The following YAP1 variants were observed in gnomAD, a reference collection of about 807,000 sequenced individuals.
The protein encoded by YAP1 is transcriptional coactivator YAP1.
YAP1 carries 5 observed loss-of-function variants against 56.9 expected under a neutral mutation model. The observed-to-expected ratio is 0.09, with a 90% CI of 0.05 to 0.18. YAP1 has a LOEUF of 0.18. YAP1 is among the 10% of genes least tolerant of loss of function. The pLI is 1.00. For synonymous variants in YAP1, 265 were observed against 248.1 expected (o/e 1.07, Z -0.64); for missense variants, 539 against 651.8 (o/e 0.83, Z 1.88).
intron 2 of YAP1, among the ~76,000 whole-genome samples, chr11:102,156,953 T>TG (rs1158800343): frequency 6.6e-6 from 1 of 152,238 alleles, no homozygotes; most frequent in Non-Finnish European, 1.5e-5. Context: ...GTTTCATGCT[T>TG]GCGGGCAAAT....
chr11:102,192,709 TCTTG>T (rs1270619388), intron 4 of YAP1, among the ~76,000 whole-genome samples: 1 of 152,234 alleles, frequency 6.6e-6, no homozygotes, highest in Non-Finnish European at 1.5e-5. Flanking sequence ...TGCTTTGGAC[TCTTG>T]CTTAAGGTTA....
chr11:102,186,431 A>ATT, intron 4 of YAP1: 1 of 306,320 alleles, frequency 3.3e-6, no homozygotes, highest in South Asian at 3.1e-5. Flanking sequence ...TGTTTTTAAA[A>ATT]TGTTTTTTTT....
intron 2 of YAP1, among the ~76,000 whole-genome samples, chr11:102,159,385 A>G (rs1310035904): frequency 6.6e-6 from 1 of 152,226 alleles, no homozygotes; most frequent in Non-Finnish European, 1.5e-5. Flanking sequence ...GTAACGGTCC[A>G]GAAACATTTT....
chr11:102,178,184 A>G (rs1432277268), intron 3 of YAP1, among the ~76,000 whole-genome samples: 1 of 152,228 alleles, frequency 6.6e-6, no homozygotes, highest in Non-Finnish European at 1.5e-5. Context: ...GTGAATCATC[A>G]TAAATACACG....
intron 4 of YAP1, among the ~76,000 whole-genome samples, chr11:102,204,868 GTAT>G (rs1334746105): frequency 6.6e-6 from 1 of 152,136 alleles, no homozygotes; most frequent in Non-Finnish European, 1.5e-5. Flanking sequence ...TGTAAGACTG[GTAT>G]TATTTCTTCC....
At chr11:102,198,552 C>A (rs1376585512) in intron 4 of YAP1, among the ~76,000 whole-genome samples, 1 of 152,168 alleles carries the variant, frequency 6.6e-6, no homozygotes, top group Admixed American at 6.5e-5. Context: ...GCTCTAGAAT[C>A]TGTTTTGAAA....
In YAP1 at chr11:102,110,985, A is replaced by G. The variant is rs1591084546; in HGVS notation, c.137A>G (p.Gln46Arg). The G allele has an allele frequency of 1.3e-6, 2 of 1,545,980 alleles. No individual in the cohort carries two copies. The highest frequency in any genetic ancestry group is 1.4e-5 in the African/African-American group (1 of 70,204). ...CCCGCGGCGACCCAGGCGGCGCCGC[A>G]GGCACCCCCCGCCGGGCATCAGATC... The part of the protein sequence containing the change: ...PAPAATQAAP[Q>R]APPAGHQIVH... The change falls in exon 1 of 9, where the codon CAG (glutamine) becomes CGG (arginine). Residue 46 changes from glutamine to arginine, a missense_variant. Around this residue, in one of 4 missense-constraint regions of YAP1, gnomAD observed 106 missense variants for 86.6 expected, o/e 1.22. Coordinates refer to ENST00000282441, the MANE Select transcript of YAP1 (RefSeq NM_001130145.3).
rs112780107 is a variant in YAP1 at position 102,182,121 on chromosome 11, A to T, written c.689-3897A>T. Among the ~76,000 whole-genome samples the T allele has an allele frequency of 7.2e-3, 1,101 of 151,914 alleles. 11 individuals are homozygous for T. The highest frequency in any genetic ancestry group is 0.025 in the African/African-American group (1,057 of 41,482). On this transcript the variant is annotated intron_variant, in intron 3 of 8. Coordinates refer to ENST00000282441, the MANE Select transcript of YAP1 (RefSeq NM_001130145.3). Reference sequence around the variant, plus strand: ...GGCGTGAGCCACCATGCCTGGCCCTAAGTGGTTGTTTTAAATCAGTGGTTC... The same window carrying T: ...GGCGTGAGCCACCATGCCTGGCCCTTAGTGGTTGTTTTAAATCAGTGGTTC...
At chr11:102,173,573 A>G (rs1947050447) in intron 3 of YAP1, among the ~76,000 whole-genome samples, 1 of 152,190 alleles carries the variant, frequency 6.6e-6, no homozygotes, top group Non-Finnish European at 1.5e-5. Flanking sequence ...GGGAGCCATG[A>G]CCTGTGTCAA....
At position 102,193,848 on chromosome 11, in the gene YAP1, T is replaced by G. The variant is rs560693446; in HGVS notation, c.802+7717T>G. Among the ~76,000 whole-genome samples the G allele has an allele frequency of 3.2e-3, 488 of 151,734 alleles. 5 individuals carry two copies. Among genetic ancestry groups the G allele is most frequent in the African/African-American group, 0.011 (464 of 41,506 alleles). On this transcript the variant is annotated intron_variant, in intron 4 of 8. Coordinates refer to ENST00000282441, the MANE Select transcript of YAP1 (RefSeq NM_001130145.3). Reference sequence around the variant, plus strand: ...TTTTTTTTTGTTTGATTTTTGTTTTTTTTTTTTTGAGACGGAGTCTCGCTC... The same window carrying G: ...TTTTTTTTTGTTTGATTTTTGTTTTGTTTTTTTTGAGACGGAGTCTCGCTC...
chr11:102,209,354 G>T (rs1949279520), intron 5 of YAP1, among the ~76,000 whole-genome samples, 163 bp from the exon 6 acceptor site: 1 of 152,092 alleles, frequency 6.6e-6, no homozygotes, highest in African/African-American at 2.4e-5. Flanking sequence ...GTTTTGTTAT[G>T]TGGTGACTCC....
chr11:102,205,755 G>T (rs1031695927), intron 4 of YAP1, 138 bp from the exon 5 acceptor site: 2 of 710,792 alleles, frequency 2.8e-6, no homozygotes, highest in Non-Finnish European at 2.1e-6. Flanking sequence ...GATATTGATG[G>T]ATTTTTAGGT....
chr11:102,118,707 C>G (rs1321456306), intron 2 of YAP1, among the ~76,000 whole-genome samples: 1 of 149,130 alleles, frequency 6.7e-6, no homozygotes. Flanking sequence ...GTTGAGATTG[C>G]ACCACTCCAC....
chr11:102,182,672 A>G lies in YAP1; in HGVS notation c.689-3346A>G, dbSNP rs531435064. On this transcript the variant is annotated intron_variant, in intron 3 of 8. Transcript: ENST00000282441. The stretch of plus-strand genomic sequence containing the variant: ...GAATTGTTTCTTTTCAGTTTTCTCT[A>G]TCTTAATTCTATGACAAAGATAGTG... Among the ~76,000 whole-genome samples the G allele has an allele frequency of 3.9e-5, 6 of 152,236 alleles. No homozygotes were observed. The South Asian group carries it at 1.2e-3, about 32-fold the overall frequency.
intron 8 of YAP1, among the ~76,000 whole-genome samples, chr11:102,229,170 A>G (rs1950346595): frequency 6.6e-6 from 1 of 152,226 alleles, no homozygotes. Flanking sequence ...AAGCAAGGCT[A>G]GGAAGATGGA....
rs796598350 is a variant in YAP1 at position 102,163,155 on chromosome 11, A to G, written c.688+584A>G. Among the ~76,000 whole-genome samples, 11 of 152,164 alleles carry G rather than the reference A, an allele frequency of 7.2e-5. 1 individual carries two copies. The highest frequency in any genetic ancestry group is 1.5e-5 in the Non-Finnish European group (1 of 68,026). On this transcript the variant is annotated intron_variant, in intron 3 of 8. Transcript: ENST00000282441. ...GCATCTTCACCTTTTTTACTAGAAG[A>G]TAAACCTGAGTATAAATCTTTTTCT...
intron 4 of YAP1, among the ~76,000 whole-genome samples, chr11:102,197,598 A>G (rs1469953062): frequency 1.3e-5 from 2 of 152,180 alleles, no homozygotes; most frequent in African/African-American, 2.4e-5. Flanking sequence ...TTGGTTTTCT[A>G]CCATAAAGCT....
chr11:102,170,607 A>G (rs1296477503), intron 3 of YAP1, among the ~76,000 whole-genome samples: 2 of 152,178 alleles, frequency 1.3e-5, no homozygotes, highest in East Asian at 3.8e-4. Context: ...ATTTTAAAAA[A>G]TTTACTAGAA....
chr11:102,129,275 G>A (rs1348393985), intron 2 of YAP1, among the ~76,000 whole-genome samples: 2 of 152,074 alleles, frequency 1.3e-5, no homozygotes, highest in Non-Finnish European at 2.9e-5. Context: ...GGTCAGGTAA[G>A]CATTTTTAGA....
Sources: allele counts gnomAD v4.1 joint callset (sites outside exome capture counted in the v4.1 genomes callset), GRCh38; gene constraint gnomAD v4.1.1; regional missense constraint gnomAD v4.1.1; transcripts MANE v1.5; gene names NCBI Gene and HGNC (gene_info 2026-07-23, HGNC 2026-07-21).